NFATC3: variants seen among roughly 807,000 people sequenced by gnomAD.
NFATC3 encodes the protein nuclear factor of activated T-cells, cytoplasmic 3.
Under a neutral mutation model 98.6 loss-of-function variants are expected in NFATC3, and 46 were observed. That is an observed-to-expected ratio of 0.47 (90% CI 0.37 to 0.60). The LOEUF (loss-of-function observed/expected upper bound fraction) is 0.60, where lower values mean the gene tolerates loss of function less well. NFATC3 is among the 20% of genes least tolerant of loss of function. The probability of loss-of-function intolerance (pLI) is 0.00; values close to 1 mark genes in which losing one functional copy is unlikely to be tolerated. For missense variants in NFATC3, 1,256 were observed against 1,295.5 expected (o/e 0.97, Z 0.47); for synonymous variants, 512 against 472.2 (o/e 1.08, Z -1.09).
intron 1 of NFATC3, among the ~76,000 whole-genome samples, chr16:68,099,318 C>G (rs983258723): frequency 6.6e-6 from 1 of 152,026 alleles, no homozygotes; most frequent in Admixed American, 6.6e-5. Flanking sequence ...GCCTGTAGTC[C>G]CAGCTACTCG....
chr16:68,203,097 A>G (rs1348318493), intron 9 of NFATC3, among the ~76,000 whole-genome samples: 2 of 152,162 alleles, frequency 1.3e-5, no homozygotes, highest in Non-Finnish European at 2.9e-5. Flanking sequence ...GCTTTAAATC[A>G]TGGCTTATGC....
At chr16:68,126,909 T>G (rs2036862602) in intron 3 of NFATC3, among the ~76,000 whole-genome samples, 1 of 152,154 alleles carries the variant, frequency 6.6e-6, no homozygotes, top group Admixed American at 6.6e-5. Flanking sequence ...GAATAAAATA[T>G]ATGCTCATTT....
chr16:68,125,685 T>A (rs1444985127), intron 2 of NFATC3, among the ~76,000 whole-genome samples: 8 of 152,148 alleles, frequency 5.3e-5, no homozygotes. Context: ...TGTTTGGATA[T>A]GTGGAGAGAT....
At chr16:68,164,360 C>G (rs528453878) in intron 4 of NFATC3, among the ~76,000 whole-genome samples, 5 of 152,080 alleles carry the variant, frequency 3.3e-5, no homozygotes, top group African/African-American at 1.2e-4. Context: ...AGCTTCGGCT[C>G]GGTATCAGAG....
At position 68,124,732 on chromosome 16, in the gene NFATC3, C is replaced by T. The variant is rs1023010467; in HGVS notation, c.1238+1611C>T. 5.9e-5 allele frequency among the ~76,000 whole-genome samples: 9 copies of T among 151,412 alleles called. No individual in the cohort carries two copies. In the South Asian group the frequency reaches 1.0e-3, roughly 18 times the overall value. ...ACAGGCGTGAGCCACCGCACCCACC[C>T]GGCCTTCTCTTTTTTTTGAGACGGA... On this transcript the variant is annotated intron_variant, in intron 2 of 9. Transcript: ENST00000346183.
chr16:68,104,170 G>A (rs1041491720), intron 1 of NFATC3, among the ~76,000 whole-genome samples: 2 of 152,112 alleles, frequency 1.3e-5, no homozygotes, highest in Admixed American at 1.3e-4. Flanking sequence ...TACACAAGAA[G>A]TCTTACCACT....
chr16:68,147,441 C>T (rs918448545), intron 3 of NFATC3, among the ~76,000 whole-genome samples: 1 of 152,042 alleles, frequency 6.6e-6, no homozygotes, highest in Non-Finnish European at 1.5e-5. Context: ...TTTTGCTTCA[C>T]CAAATTGTAC....
chr16:68,098,098 A>G (rs1258957797), intron 1 of NFATC3, among the ~76,000 whole-genome samples: 1 of 151,960 alleles, frequency 6.6e-6, no homozygotes, highest in East Asian at 1.9e-4. Context: ...TATTTTATCC[A>G]TTCACCTGTT....
chr16:68,217,964 A>G, intron 9 of NFATC3: 3 of 1,215,162 alleles, frequency 2.5e-6, no homozygotes, highest in Non-Finnish European at 3.1e-6. Context: ...ATGAATTAAG[A>G]TAATTAGCAG....
chr16:68,214,242 GA>G (rs1209984369), intron 9 of NFATC3: 8 of 942,224 alleles, frequency 8.5e-6, no homozygotes, highest in East Asian at 7.5e-5. Flanking sequence ...TTTGATTATA[GA>G]AAAAAAACAG....
chr16:68,124,644 A>C (rs1454413139), intron 2 of NFATC3, among the ~76,000 whole-genome samples: 7 of 151,928 alleles, frequency 4.6e-5, no homozygotes, highest in African/African-American at 1.7e-4. Context: ...CGTGTTAGCC[A>C]GGATGGTCTC....
In NFATC3 at chr16:68,087,545, G is replaced by A. The variant is rs1598331363; in HGVS notation, c.103+1761G>A. On this transcript the variant is annotated intron_variant, in intron 1 of 9. Transcript: ENST00000346183. ...TTTTAAGCAGGTAATTTTTTTTAAAGTTTTTTTAATATTAAGGCAAAATAC... is the reference window on the plus strand; with the variant it reads ...TTTTAAGCAGGTAATTTTTTTTAAAATTTTTTTAATATTAAGGCAAAATAC... Among the ~76,000 whole-genome samples, 4 of 152,072 alleles carry A rather than the reference G, an allele frequency of 2.6e-5. No individual in the cohort carries two copies. In the South Asian group the frequency reaches 8.3e-4, roughly 32 times the overall value.
In NFATC3 at chr16:68,085,590, C is replaced by A. The variant is rs545652494; in HGVS notation, c.-92C>A. 2.6e-6 allele frequency: 3 copies of A among 1,152,858 alleles called. No homozygotes were observed. Among genetic ancestry groups the A allele is most frequent in the African/African-American group, 1.7e-5 (1 of 60,358 alleles). 71.4% of individuals were successfully genotyped at this position (1,152,858 alleles called of 1,614,324 possible). A position where few individuals can be genotyped will look rare whatever the true frequency, so the allele number is the denominator to read the frequency against. On this transcript the variant is annotated 5_prime_UTR_variant, in exon 1 of 10. Coordinates refer to ENST00000346183, the MANE Select transcript of NFATC3 (RefSeq NM_173165.3). ...TCGCGACCTCTTGGCCCGCGCGGCC[C>A]GGCATGAAGCGGCGTTGAGGAGCTG... is the stretch of plus-strand genomic sequence containing the variant.
intron 9 of NFATC3, among the ~76,000 whole-genome samples, chr16:68,216,927 T>C (rs1296461756): frequency 6.6e-6 from 1 of 152,218 alleles, no homozygotes; most frequent in Admixed American, 6.5e-5. Flanking sequence ...AATTTTTCTT[T>C]ACTAGTATTA....
chr16:68,146,657 A>G (rs1183145113), intron 3 of NFATC3, among the ~76,000 whole-genome samples: 2 of 152,228 alleles, frequency 1.3e-5, no homozygotes, highest in African/African-American at 4.8e-5. Context: ...CATTCCCCCA[A>G]CTAATCAGCA....
chr16:68,085,617 T>TGCCGCCGCTTGCCGCTGCCGCC lies in NFATC3; in HGVS notation c.-56_-35dup, dbSNP rs1413134677. The TGCCGCCGCTTGCCGCTGCCGCC allele has an allele frequency of 2.9e-5, 40 of 1,396,882 alleles. No individual in the cohort carries two copies. The highest frequency in any genetic ancestry group is 3.8e-5 in the Non-Finnish European group (40 of 1,050,896). 86.5% of individuals were successfully genotyped at this position (1,396,882 alleles called of 1,614,324 possible). A position where few individuals can be genotyped will look rare whatever the true frequency, so the allele number is the denominator to read the frequency against. ...GCATGAAGCGGCGTTGAGGAGCTGC[T>TGCCGCCGCTTGCCGCTGCCGCC]GCCGCCGCTTGCCGCTGCCGCCGCC... On this transcript the variant is annotated 5_prime_UTR_variant, in exon 1 of 10. Coordinates refer to ENST00000346183, the MANE Select transcript of NFATC3 (RefSeq NM_173165.3).
At chr16:68,198,305 G>A (rs2040758646) in intron 9 of NFATC3, among the ~76,000 whole-genome samples, 2 of 151,968 alleles carry the variant, frequency 1.3e-5, no homozygotes, top group Admixed American at 1.3e-4. Context: ...GTGACAGAAT[G>A]AGACCCTTGT....
At chr16:68,192,916 C>T (rs182253244) in intron 9 of NFATC3, among the ~76,000 whole-genome samples, 3 of 152,216 alleles carry the variant, frequency 2.0e-5, no homozygotes, top group Admixed American at 6.6e-5. Context: ...AGGAAGGATT[C>T]AGCAAGTCTT....
intron 9 of NFATC3, chr16:68,214,278 T>G (rs778731223): frequency 4.9e-6 from 7 of 1,423,604 alleles, no homozygotes; most frequent in Non-Finnish European, 6.9e-6. Context: ...TAGATTAAGT[T>G]CACCCTCTGG....
Sources: allele counts gnomAD v4.1 joint callset (sites outside exome capture counted in the v4.1 genomes callset), GRCh38; gene constraint gnomAD v4.1.1; transcripts MANE v1.5; gene names NCBI Gene and HGNC (gene_info 2026-07-23, HGNC 2026-07-21).